Variants in OPA3 observed in about 807,000 individuals in gnomAD.
The protein encoded by OPA3 is outer mitochondrial membrane lipid metabolism regulator OPA3, also known as optic atrophy 3 protein.
OPA3 carries 6 observed loss-of-function variants against 4.0 expected under a neutral mutation model. The observed-to-expected ratio is 1.51, with a 90% CI of 0.83 to 2.99. The LOEUF is 2.99. OPA3 is among the 30% of genes most tolerant of loss of function. OPA3 has a pLI of 0.00. For missense variants in OPA3, 235 were observed against 256.2 expected (o/e 0.92, Z 0.56); for synonymous variants, 105 against 117.1 (o/e 0.90, Z 0.67).
At chr19:45,567,726 C>A (rs1969604756) in intron 1 of OPA3, among the ~76,000 whole-genome samples, 1 of 152,000 alleles carries the variant, frequency 6.6e-6, no homozygotes. Context: ...AGTTTGGGAG[C>A]CAGTGGGATA....
Position 45,553,565 on chromosome 19 carries a change from G to T in OPA3, c.489C>A (p.Leu163=). 1 of 1,613,224 alleles carries T rather than the reference G, an allele frequency of 6.2e-7. No individual in the cohort carries two copies. The highest frequency in any genetic ancestry group is 1.1e-5 in the South Asian group (1 of 91,090). Residue 163 remains leucine, a synonymous_variant, in exon 2 of 2, where the codon CTC becomes CTA. Coordinates refer to ENST00000263275, the MANE Select transcript of OPA3 (RefSeq NM_025136.4). ...GGGAAGCGGACCGGCCGGGATTGCA[G>T]AGCTGGGCGCGCACCTCTTGCAGCT... is the stretch of plus-strand genomic sequence containing the variant. ...RTELQEVRAQ[L]CNPGRSASHA...
chr19:45,582,156 A>T (rs1353856666), intron 1 of OPA3, among the ~76,000 whole-genome samples: 5 of 150,068 alleles, frequency 3.3e-5, no homozygotes, highest in South Asian at 2.1e-4. Flanking sequence ...TTTTATTTTT[A>T]TTTTATTTTA....
intron 1 of OPA3, among the ~76,000 whole-genome samples, chr19:45,583,073 A>G (rs761396491): frequency 6.6e-6 from 1 of 152,118 alleles, no homozygotes; most frequent in Non-Finnish European, 1.5e-5. Flanking sequence ...AATTTTGCAA[A>G]GGCGGTTTCA....
At chr19:45,577,467 G>A (rs1409704656) in intron 1 of OPA3, among the ~76,000 whole-genome samples, 8 of 152,304 alleles carry the variant, frequency 5.3e-5, no homozygotes, top group South Asian at 2.1e-4. Context: ...AGGTGTAAAT[G>A]TAAGAAGCCA....
At chr19:45,530,395 C>G (rs1188076255) in intron 1 of OPA3, among the ~76,000 whole-genome samples, 1 of 151,978 alleles carries the variant, frequency 6.6e-6, no homozygotes, top group Admixed American at 6.6e-5. Context: ...CACTGCACTC[C>G]CCCTCAACCC....
At chr19:45,555,494 AT>A (rs34052901) in intron 1 of OPA3, among the ~76,000 whole-genome samples, 93,057 of 142,746 alleles carry the variant, frequency 0.65, 30,128 homozygotes, top group East Asian at 0.83. Flanking sequence ...CCTGGCTAAT[AT>A]TTTTTTTTTT....
At chr19:45,572,227 G>A (rs1441864479) in intron 1 of OPA3, among the ~76,000 whole-genome samples, 2 of 134,026 alleles carry the variant, frequency 1.5e-5, no homozygotes, top group Non-Finnish European at 3.1e-5. Flanking sequence ...CATATATATC[G>A]ATATATATGA....
At chr19:45,545,156 C>T (rs1195511210), downstream of OPA3, among the ~76,000 whole-genome samples, 1 of 127,590 alleles carries the variant, frequency 7.8e-6, no homozygotes, top group South Asian at 2.9e-4. Context: ...CAGAGCAAGA[C>T]ACCGTCTCAA....
intron 1 of OPA3, among the ~76,000 whole-genome samples, chr19:45,537,568 G>T (rs1969136062): frequency 6.6e-6 from 1 of 151,976 alleles, no homozygotes; most frequent in Non-Finnish European, 1.5e-5. Flanking sequence ...ATCAAAAGGG[G>T]AAGGGTAGAG....
At chr19:45,537,410 A>AAAAAAAAAAAAAAAAAAAAAAG (rs1555730890) in intron 1 of OPA3, among the ~76,000 whole-genome samples, 1 of 120,060 alleles carries the variant, frequency 8.3e-6, no homozygotes, top group Non-Finnish European at 1.7e-5. Context: ...AAAAAAAAAA[A>AAAAAAAAAAAAAAAAAAAAAAG]AAAAAAAAAA....
intron 1 of OPA3, among the ~76,000 whole-genome samples, chr19:45,537,960 G>A (rs532515769): frequency 3.3e-5 from 5 of 152,004 alleles, no homozygotes; most frequent in Non-Finnish European, 7.4e-5. Flanking sequence ...TGGGTGTGGT[G>A]GTGTGTGCCT....
intron 1 of OPA3, among the ~76,000 whole-genome samples, chr19:45,584,092 G>C (rs577678026): frequency 4.9e-4 from 74 of 152,252 alleles, no homozygotes; most frequent in African/African-American, 1.7e-3. Context: ...CCAGAACCCA[G>C]ACTTCACCCC....
chr19:45,576,535 T>TCC (rs56381717), intron 1 of OPA3, among the ~76,000 whole-genome samples: 22 of 107,802 alleles, frequency 2.0e-4, no homozygotes, highest in African/African-American at 1.0e-3. Flanking sequence ...TGAAACTCCA[T>TCC]CCCCCCCCCC....
At chr19:45,554,124 T>C (rs1308193642) in intron 1 of OPA3, among the ~76,000 whole-genome samples, 1 of 152,170 alleles carries the variant, frequency 6.6e-6, no homozygotes, top group Non-Finnish European at 1.5e-5. Context: ...CACCAGGAGC[T>C]TCCACAGCGC....
At chr19:45,573,633 C>T (rs1298292456) in intron 1 of OPA3, among the ~76,000 whole-genome samples, 1 of 151,912 alleles carries the variant, frequency 6.6e-6, no homozygotes, top group Admixed American at 6.6e-5. Flanking sequence ...AGTGGCAGAG[C>T]GGGGACAGAT....
At chr19:45,531,803 T>C (rs1487979478) in intron 1 of OPA3, among the ~76,000 whole-genome samples, 1 of 152,224 alleles carries the variant, frequency 6.6e-6, no homozygotes, top group African/African-American at 2.4e-5. Flanking sequence ...GCACTGACAT[T>C]GCACCAAGAT....
At chr19:45,570,630 C>T (rs1172177868) in intron 1 of OPA3, among the ~76,000 whole-genome samples, 2 of 152,062 alleles carry the variant, frequency 1.3e-5, no homozygotes, top group East Asian at 1.9e-4. Flanking sequence ...GAGGCTGCAG[C>T]GAGCTGAGAT....
In OPA3 at chr19:45,579,396, T is replaced by C. The variant is rs147869883; in HGVS notation, c.142+5227A>G. On this transcript the variant is annotated intron_variant, in intron 1 of 1. Transcript: ENST00000263275. The stretch of plus-strand genomic sequence containing the variant: ...CCACCACACCTGGCTAATTTTTGTA[T>C]TTTTAGTAGAGATGGGGTTTCACCA... Among the ~76,000 whole-genome samples the C allele has an allele frequency of 1.9e-4, 29 of 152,166 alleles. No homozygotes were observed. In the East Asian group the frequency reaches 5.6e-3, roughly 29 times the overall value.
rs899493235 is a variant in OPA3, at chr19:45,553,455, A to G, written c.*59T>C. 2 of 1,606,842 alleles carry G rather than the reference A, an allele frequency of 1.2e-6. No individual in the cohort carries two copies. The highest frequency in any genetic ancestry group is 2.7e-5 in the African/African-American group (2 of 74,918). ...CCAGCGCAGGCAAGGGTGGTGCGGG[A>G]AGAAGGCCACGTTAGGTACATAGGC... On this transcript the variant is annotated 3_prime_UTR_variant, in exon 2 of 2. Transcript: ENST00000263275.
Sources: allele counts gnomAD v4.1 joint callset (sites outside exome capture counted in the v4.1 genomes callset), GRCh38; gene constraint gnomAD v4.1.1; transcripts MANE v1.5; gene names NCBI Gene and HGNC (gene_info 2026-07-23, HGNC 2026-07-21).